Variants in GOLGA4 observed in about 807,000 individuals in gnomAD.
GOLGA4 encodes the protein golgin subfamily A member 4.
Under a neutral mutation model 265.9 loss-of-function variants are expected in GOLGA4, and 169 were observed. That is an observed-to-expected ratio of 0.64 (90% CI 0.56 to 0.72). The LOEUF (loss-of-function observed/expected upper bound fraction) is 0.72, where lower values mean the gene tolerates loss of function less well. Ranked by LOEUF, GOLGA4 falls within the 30% of genes least tolerant of loss-of-function variation. The pLI is 0.00. For missense variants in GOLGA4, 2,482 were observed against 2,483.4 expected (o/e 1.00, Z 0.01); for synonymous variants, 923 against 855.8 (o/e 1.08, Z -1.37).
intron 15 of GOLGA4, 108 bp from the exon 16 acceptor site, chr3:37,328,855 T>A: frequency 3.2e-6 from 3 of 937,048 alleles, no homozygotes; most frequent in Non-Finnish European, 4.6e-6. Context: ...TATATAAAAT[T>A]AAATTTCATC....
intron 5 of GOLGA4, 134 bp downstream of exon 5, chr3:37,289,425 C>A: frequency 1.8e-6 from 1 of 550,460 alleles, no homozygotes; most frequent in Non-Finnish European, 3.3e-6. Context: ...CCTACAAGAC[C>A]AGGGGTCAGT....
Position 37,325,302 on chromosome 3 carries a change from T to A in GOLGA4, c.3416T>A (p.Leu1139Gln). The change falls in exon 14 of 24, where the codon CTA (leucine) becomes CAA (glutamine). Residue 1139 changes from leucine to glutamine, a missense_variant. Physicochemically the swap from Leu to Gln is moderately radical, Grantham distance 113. Coordinates refer to ENST00000361924, the MANE Select transcript of GOLGA4 (RefSeq NM_002078.5). ...ETKLKAHLEK[L>Q]EVDLNKSLKE... ...AAACTGAAAGCTCATCTTGAAAAGCTAGAGGTTGACTTGAATAAGTCTCTG... is the reference window on the plus strand; with the variant it reads ...AAACTGAAAGCTCATCTTGAAAAGCAAGAGGTTGACTTGAATAAGTCTCTG... 6.2e-7 allele frequency: 1 copy of A among 1,613,852 alleles called. No homozygotes were observed. The highest frequency in any genetic ancestry group is 8.5e-7 in the Non-Finnish European group (1 of 1,179,842).
chr3:37,255,858 T>C (rs755527243), intron 2 of GOLGA4, among the ~76,000 whole-genome samples: 2 of 151,832 alleles, frequency 1.3e-5, no homozygotes, highest in Non-Finnish European at 2.9e-5. Context: ...GCTCAAGTGA[T>C]CCATCCACCT....
At chr3:37,365,576 T>G (rs1437553405) in intron 23 of GOLGA4, among the ~76,000 whole-genome samples, 2 of 151,976 alleles carry the variant, frequency 1.3e-5, no homozygotes, top group African/African-American at 4.8e-5. Context: ...CCTGTCATCT[T>G]TAATTCCAGT....
intron 2 of GOLGA4, among the ~76,000 whole-genome samples, chr3:37,255,721 A>T (rs542577292): frequency 1.3e-5 from 2 of 149,482 alleles, no homozygotes; most frequent in East Asian, 4.0e-4. Flanking sequence ...GTTTTGAGCT[A>T]AATTTCCACA....
At chr3:37,257,900 T>TAC (rs1387939994) in intron 2 of GOLGA4, among the ~76,000 whole-genome samples, 24 of 120,080 alleles carry the variant, frequency 2.0e-4, no homozygotes, top group Admixed American at 2.0e-3. Flanking sequence ...TATACATATA[T>TAC]ATATATATAT....
intron 12 of GOLGA4, chr3:37,321,489 G>T: frequency 2.6e-6 from 1 of 380,764 alleles, no homozygotes; most frequent in South Asian, 6.7e-5. Flanking sequence ...AAAAATAGCA[G>T]ACATAGTGGG....
chr3:37,252,993 A>G (rs1293736707), intron 2 of GOLGA4, among the ~76,000 whole-genome samples: 1 of 152,166 alleles, frequency 6.6e-6, no homozygotes, highest in Non-Finnish European at 1.5e-5. Context: ...TCATGCCTGT[A>G]ATCCCAGCGC....
intron 1 of GOLGA4, chr3:37,250,290 A>G (rs1391762780): frequency 6.6e-6 from 1 of 152,224 alleles, no homozygotes; most frequent in Non-Finnish European, 1.5e-5. Flanking sequence ...AATATAGCTT[A>G]AGTATGAAGG....
At chr3:37,286,086 C>CTGAGTCATAAT (rs760868136) in intron 4 of GOLGA4, 25 bp downstream of exon 4, 2 of 1,144,330 alleles carry the variant, frequency 1.7e-6, no homozygotes, top group African/African-American at 3.2e-5. Flanking sequence ...AACTGCATTA[C>CTGAGTCATAAT]TGAGTCATAA....
Position 37,325,671 on chromosome 3 carries a change from A to G in GOLGA4, c.3785A>G (p.Glu1262Gly). Reference protein sequence around the residue: ...HCQHRTTKVKEALLIKTCTVS... With the variant: ...HCQHRTTKVKGALLIKTCTVS... Reference sequence around the variant, plus strand: ...CAGCACCGTACAACTAAAGTTAAGGAGGCACTGTTAATTAAAACTTGCACA... The same window carrying G: ...CAGCACCGTACAACTAAAGTTAAGGGGGCACTGTTAATTAAAACTTGCACA... Residue 1262 changes from glutamate to glycine, a missense_variant, in exon 14 of 24, where the codon GAG becomes GGG. Physicochemically the swap from Glu to Gly is moderately conservative, Grantham distance 98 (BLOSUM62 -2). Coordinates refer to ENST00000361924, the MANE Select transcript of GOLGA4 (RefSeq NM_002078.5). 6.2e-7 allele frequency: 1 copy of G among 1,613,908 alleles called. No individual in the cohort carries two copies.
At chr3:37,319,398 CT>C (rs1323933713) in intron 12 of GOLGA4, 1 of 338,586 alleles carries the variant, frequency 3.0e-6, no homozygotes, top group Non-Finnish European at 5.6e-6. Flanking sequence ...ATCTAACACA[CT>C]TTCTTTTTTT....
chr3:37,322,386 AGT>A (rs1337527357), intron 13 of GOLGA4, among the ~76,000 whole-genome samples: 1 of 152,092 alleles, frequency 6.6e-6, no homozygotes, highest in Non-Finnish European at 1.5e-5. Flanking sequence ...TATGTCCCAG[AGT>A]GTACGTTTTT....
rs1345912005 is a variant in GOLGA4 at position 37,325,031 on chromosome 3, A to G, written c.3145A>G (p.Lys1049Glu). The change falls in exon 14 of 24, where the codon AAG becomes GAG. Residue 1049 changes from lysine (K) to glutamate (E), a missense_variant. Lys to Glu is a moderately conservative substitution (Grantham distance 56). Transcript: ENST00000361924. ...CAATGATGTCATATCAATCTGGGAA[A>G]AGAAACTTAATCAGCAAGCTGAAGA... Reference protein sequence around the residue: ...ELNDVISIWEKKLNQQAEELQ... With the variant: ...ELNDVISIWEEKLNQQAEELQ... 4 of 1,612,866 alleles carry G rather than the reference A, an allele frequency of 2.5e-6. No individual in the cohort carries two copies. The Admixed American group carries it at 5.0e-5, about 20-fold the overall frequency.
rs1199540626 is a variant in GOLGA4, at chr3:37,324,227, A to T, written c.2341A>T (p.Asn781Tyr). 12 of 1,614,070 alleles carry T rather than the reference A, an allele frequency of 7.4e-6. No individual in the cohort carries two copies. The highest frequency in any genetic ancestry group is 1.0e-5 in the Non-Finnish European group (12 of 1,180,034). ...HLKEHQAHVENLEADIKRSEG... is the reference protein window; with the variant it reads ...HLKEHQAHVEYLEADIKRSEG... ...GAAAGAGCATCAGGCTCATGTAGAA[A>T]ATTTAGAGGCAGATATTAAAAGGTC... is the stretch of plus-strand genomic sequence containing the variant. Residue 781 changes from asparagine to tyrosine, a missense_variant, in exon 14 of 24, where the codon AAT (asparagine) becomes TAT (tyrosine). Coordinates refer to ENST00000361924, the MANE Select transcript of GOLGA4 (RefSeq NM_002078.5).
intron 10 of GOLGA4, among the ~76,000 whole-genome samples, chr3:37,303,196 CT>C (rs1453878034): frequency 6.6e-6 from 1 of 152,188 alleles, no homozygotes; most frequent in Non-Finnish European, 1.5e-5. Flanking sequence ...TGAGTTTAGA[CT>C]TTGATATACA....
chr3:37,300,918 T>C (rs1368408012), intron 9 of GOLGA4, among the ~76,000 whole-genome samples: 3 of 152,230 alleles, frequency 2.0e-5, no homozygotes, highest in Admixed American at 6.5e-5. Flanking sequence ...AGATTTCTTT[T>C]AATTTACTGG....
chr3:37,333,609 G>A (rs911614221), intron 16 of GOLGA4, among the ~76,000 whole-genome samples: 3 of 152,070 alleles, frequency 2.0e-5, no homozygotes, highest in African/African-American at 7.2e-5. Context: ...TTTCAAACAA[G>A]GCTAAACCAC....
intron 2 of GOLGA4, among the ~76,000 whole-genome samples, chr3:37,269,763 A>G (rs1221491398): frequency 1.3e-5 from 2 of 151,998 alleles, no homozygotes; most frequent in Non-Finnish European, 2.9e-5. Flanking sequence ...TTCATAAGCT[A>G]TCCTGCATTT....
Sources: allele counts gnomAD v4.1 joint callset (sites outside exome capture counted in the v4.1 genomes callset), GRCh38; gene constraint gnomAD v4.1.1; transcripts MANE v1.5; gene names NCBI Gene and HGNC (gene_info 2026-07-23, HGNC 2026-07-21).